DSCAM: variants seen among roughly 807,000 people sequenced by gnomAD.
DSCAM encodes the protein cell adhesion molecule DSCAM.
A neutral mutation model predicts 217.7 loss-of-function variants in DSCAM; 47 were observed. The observed-to-expected ratio is 0.22, with a 90% CI of 0.17 to 0.28. The LOEUF is 0.28. Among genes scored for constraint, DSCAM ranks in the 10% least tolerant of loss-of-function variants. DSCAM has a pLI of 1.00. For missense variants in DSCAM, 2,080 were observed against 2,618.3 expected, an observed-to-expected ratio of 0.79 and a Z score of 4.49; for synonymous variants, 1,056 against 1,015.3, an observed-to-expected ratio of 1.04 and a Z score of -0.76.
chr21:40,288,137 T>C (rs949232633), intron 10 of DSCAM, among the ~76,000 whole-genome samples: 5 of 152,140 alleles, frequency 3.3e-5, no homozygotes, highest in African/African-American at 1.2e-4. Context: ...CAACAAAGAT[T>C]GGCTGTAGAC....
intron 1 of DSCAM, among the ~76,000 whole-genome samples, chr21:40,766,691 A>AT (rs1555887014): frequency 6.1e-5 from 4 of 65,888 alleles, no homozygotes; most frequent in South Asian, 5.9e-4. Flanking sequence ...AAAAAAAACA[A>AT]CTTTTTTTTT....
intron 2 of DSCAM, among the ~76,000 whole-genome samples, chr21:40,700,417 G>A (rs559005202): frequency 1.2e-4 from 18 of 152,214 alleles, no homozygotes; most frequent in African/African-American, 4.1e-4. Flanking sequence ...TGGATGTTGG[G>A]TTTCATCAAT....
chr21:40,403,579 T>G (rs901447797), intron 3 of DSCAM, among the ~76,000 whole-genome samples: 1 of 151,816 alleles, frequency 6.6e-6, no homozygotes, highest in Non-Finnish European at 1.5e-5. Flanking sequence ...GGCAGGCTAA[T>G]CATTGTCATC....
intron 11 of DSCAM, among the ~76,000 whole-genome samples, chr21:40,238,846 T>C (rs192736201): frequency 6.6e-6 from 1 of 152,272 alleles, no homozygotes; most frequent in Admixed American, 6.5e-5. Context: ...CACTTTCAGG[T>C]GAGAATGACT....
intron 1 of DSCAM, among the ~76,000 whole-genome samples, chr21:40,818,533 C>A (rs2091901698): frequency 8.4e-6 from 1 of 119,238 alleles, no homozygotes; most frequent in East Asian, 2.5e-4. Flanking sequence ...GCTACACAGC[C>A]AGACTCCGTC....
chr21:40,574,150 G>C (rs912893641), intron 3 of DSCAM, among the ~76,000 whole-genome samples: 5 of 151,642 alleles, frequency 3.3e-5, no homozygotes, highest in African/African-American at 1.2e-4. Flanking sequence ...GCACGACCCA[G>C]ATATTAAACC....
At chr21:40,154,546 C>A (rs1468578835) in intron 16 of DSCAM, among the ~76,000 whole-genome samples, 1 of 152,252 alleles carries the variant, frequency 6.6e-6, no homozygotes, top group South Asian at 2.1e-4. Context: ...TGAACCACTG[C>A]TTCCGGTCTC....
At chr21:40,682,305 A>G (rs1468059126) in intron 3 of DSCAM, among the ~76,000 whole-genome samples, 1 of 151,916 alleles carries the variant, frequency 6.6e-6, no homozygotes, top group African/African-American at 2.4e-5. Flanking sequence ...CCAATACAGA[A>G]AGTGGATGGG....
At chr21:40,376,082 A>C (rs1238292610) in intron 3 of DSCAM, among the ~76,000 whole-genome samples, 2 of 152,180 alleles carry the variant, frequency 1.3e-5, no homozygotes, top group Non-Finnish European at 2.9e-5. Context: ...TATATCTTAG[A>C]GCTCTTGTTG....
chr21:40,775,934 T>C (rs1303133446), intron 1 of DSCAM, among the ~76,000 whole-genome samples: 1 of 152,216 alleles, frequency 6.6e-6, no homozygotes, highest in Non-Finnish European at 1.5e-5. Context: ...CAGACGACTG[T>C]AGTTAGAAAG....
chr21:40,104,969 T>G (rs1416465731), intron 20 of DSCAM, among the ~76,000 whole-genome samples: 1 of 152,198 alleles, frequency 6.6e-6, no homozygotes, highest in Non-Finnish European at 1.5e-5. Context: ...CTACCTAGTC[T>G]GAATGAATGC....
At chr21:40,210,935 A>T (rs529207954) in intron 11 of DSCAM, among the ~76,000 whole-genome samples, 106 of 152,272 alleles carry the variant, frequency 7.0e-4, no homozygotes, top group African/African-American at 2.4e-3. Flanking sequence ...ATCCCATTAC[A>T]GGTCCATGTA....
At chr21:40,539,967 G>A (rs2076530871) in intron 3 of DSCAM, among the ~76,000 whole-genome samples, 1 of 152,046 alleles carries the variant, frequency 6.6e-6, no homozygotes, top group Non-Finnish European at 1.5e-5. Flanking sequence ...CAAAAAACCT[G>A]TCCTTACTTG....
intron 11 of DSCAM, among the ~76,000 whole-genome samples, chr21:40,228,598 C>A (rs1471672491): frequency 6.6e-6 from 1 of 151,622 alleles, no homozygotes; most frequent in Non-Finnish European, 1.5e-5. Context: ...GTATCACCAT[C>A]ATTGCTTGTT....
At chr21:40,804,003 G>C (rs780650728) in intron 1 of DSCAM, among the ~76,000 whole-genome samples, 24 of 152,102 alleles carry the variant, frequency 1.6e-4, no homozygotes, top group Admixed American at 2.0e-4. Context: ...CTTCTCTTCT[G>C]CTTAATAAAG....
chr21:40,487,350 A>ATT (rs2076039396), intron 3 of DSCAM, among the ~76,000 whole-genome samples: 1 of 149,620 alleles, frequency 6.7e-6, no homozygotes, highest in African/African-American at 2.5e-5. Flanking sequence ...AGAGAGAGAG[A>ATT]GAGAGAGACT....
At chr21:40,788,757 A>T (rs1177339289) in intron 1 of DSCAM, among the ~76,000 whole-genome samples, 3 of 152,226 alleles carry the variant, frequency 2.0e-5, no homozygotes, top group Non-Finnish European at 4.4e-5. Context: ...CTGTAAAAGC[A>T]TATGGAAGGG....
At chr21:40,497,751 T>C (rs1289420548) in intron 3 of DSCAM, among the ~76,000 whole-genome samples, 1 of 152,226 alleles carries the variant, frequency 6.6e-6, no homozygotes, top group Non-Finnish European at 1.5e-5. Context: ...TATTTGTCAA[T>C]ATACAAATAA....
intron 1 of DSCAM, among the ~76,000 whole-genome samples, chr21:40,730,595 A>T (rs567994026): frequency 2.6e-5 from 4 of 152,278 alleles, no homozygotes; most frequent in African/African-American, 7.2e-5. Flanking sequence ...TCTATCAAGG[A>T]TGCCCCAGGG....
Sources: allele counts gnomAD v4.1 joint callset (sites outside exome capture counted in the v4.1 genomes callset), GRCh38; gene constraint gnomAD v4.1.1; transcripts MANE v1.5; gene names NCBI Gene and HGNC (gene_info 2026-07-23, HGNC 2026-07-21).